The following SYK variants were observed in gnomAD, a reference collection of about 807,000 sequenced individuals.
SYK encodes the protein tyrosine-protein kinase SYK.
SYK carries 16 observed loss-of-function variants against 77.8 expected under a neutral mutation model. That is an observed-to-expected ratio of 0.21 (90% CI 0.14 to 0.31). SYK has a LOEUF of 0.31. Ranked by LOEUF, SYK falls within the 10% of genes least tolerant of loss-of-function variation. The probability of loss-of-function intolerance (pLI) is 1.00; values close to 1 mark genes in which losing one functional copy is unlikely to be tolerated. For missense variants in SYK, 529 were observed against 814.4 expected (o/e 0.65, Z 4.26); for synonymous variants, 312 against 308.7 (o/e 1.01, Z -0.11).
At chr9:90,818,360 C>T (rs1825374197) in intron 1 of SYK, among the ~76,000 whole-genome samples, 2 of 152,138 alleles carry the variant, frequency 1.3e-5, no homozygotes, top group South Asian at 4.1e-4. Flanking sequence ...CAAAAAAGTT[C>T]CTGGGGCACT....
intron 7 of SYK, among the ~76,000 whole-genome samples, chr9:90,868,357 G>A (rs542694034): frequency 2.6e-5 from 4 of 152,238 alleles, no homozygotes; most frequent in African/African-American, 7.2e-5. Flanking sequence ...TCAGAAAAAA[G>A]TTGAAGAAAA....
intron 7 of SYK, among the ~76,000 whole-genome samples, chr9:90,871,308 G>C (rs1325966037): frequency 6.6e-6 from 1 of 152,226 alleles, no homozygotes; most frequent in Admixed American, 6.5e-5. Context: ...TTTACACCTT[G>C]TTGCTCACTG....
intron 7 of SYK, among the ~76,000 whole-genome samples, chr9:90,872,789 T>C (rs1365718658): frequency 6.6e-6 from 1 of 152,280 alleles, no homozygotes; most frequent in Non-Finnish European, 1.5e-5. Context: ...TTCATGTGTT[T>C]GTTCAACACA....
In SYK at chr9:90,885,630, A is replaced by G. The variant is rs60516153; in HGVS notation, c.1582-2119A>G. On this transcript the variant is annotated intron_variant, in intron 11 of 13. Coordinates refer to ENST00000375754, the MANE Select transcript of SYK (RefSeq NM_003177.7). ...ATCCTATTTAATGAAATATTAGATC[A>G]AAACTTCCCAAATATAACAACAAAC... Among the ~76,000 whole-genome samples, 3,059 of 152,336 alleles carry G rather than the reference A, an allele frequency of 0.02. 179 individuals are homozygous for G. In the East Asian group the frequency reaches 0.22, roughly 11 times the overall value.
intron 1 of SYK, among the ~76,000 whole-genome samples, chr9:90,817,859 G>A (rs1825345625): frequency 1.1e-5 from 1 of 87,054 alleles, no homozygotes; most frequent in Non-Finnish European, 2.4e-5. Context: ...GTGTGTGTGT[G>A]TGTGTGTGTG....
chr9:90,893,517 A>G (rs1468082858), intron 13 of SYK, among the ~76,000 whole-genome samples: 1 of 152,030 alleles, frequency 6.6e-6, no homozygotes, highest in African/African-American at 2.4e-5. Context: ...GGAGGGAGGG[A>G]GAGAAATAGT....
At chr9:90,884,218 CAT>C (rs1231960037) in intron 11 of SYK, among the ~76,000 whole-genome samples, 1 of 42,104 alleles carries the variant, frequency 2.4e-5, no homozygotes, top group African/African-American at 1.4e-4. Flanking sequence ...TATATACACG[CAT>C]ATACACATAC....
Position 90,878,927 on chromosome 9 carries a change from C to T in SYK, c.1555C>T (p.Leu519=), listed in dbSNP as rs1163116100. 1 of 1,612,666 alleles carries T rather than the reference C, an allele frequency of 6.2e-7. No individual in the cohort carries two copies. The change falls in exon 11 of 14, where the codon CTG becomes TTG. Residue 519 remains leucine, a synonymous_variant. Coordinates refer to ENST00000375754, the MANE Select transcript of SYK (RefSeq NM_003177.7). ...KISDFGLSKA[L]RADENYYKAQ... ...CAGTGATTTCGGACTTTCCAAAGCA[C>T]TGCGTGCTGATGAAAACTACTACAA...
chr9:90,885,224 G>T (rs1485896959), intron 11 of SYK, among the ~76,000 whole-genome samples: 1 of 151,794 alleles, frequency 6.6e-6, no homozygotes, highest in Non-Finnish European at 1.5e-5. Flanking sequence ...TCAAAATATT[G>T]ATTTTAAAGA....
At chr9:90,847,261 A>T (rs1826634499) in intron 3 of SYK, among the ~76,000 whole-genome samples, 1 of 152,154 alleles carries the variant, frequency 6.6e-6, no homozygotes, top group African/African-American at 2.4e-5. Context: ...CTTATGGTTT[A>T]TGCAAGAGAG....
At chr9:90,867,364 C>T (rs1269849765) in intron 7 of SYK, among the ~76,000 whole-genome samples, 165 bp downstream of exon 7, 4 of 152,186 alleles carry the variant, frequency 2.6e-5, no homozygotes, top group South Asian at 2.1e-4. Context: ...TGGGCAGCCG[C>T]GCCCCAGGTA....
chr9:90,866,532 C>T (rs144513978), intron 6 of SYK, among the ~76,000 whole-genome samples: 14 of 152,248 alleles, frequency 9.2e-5, no homozygotes, highest in Non-Finnish European at 1.5e-4. Flanking sequence ...ATTATAGGCT[C>T]GGTGAGACAG....
intron 1 of SYK, among the ~76,000 whole-genome samples, chr9:90,825,931 A>T (rs186187685): frequency 3.8e-4 from 58 of 152,338 alleles, no homozygotes; most frequent in Non-Finnish European, 7.1e-4. Flanking sequence ...AGGTTCTCAA[A>T]CTTGAGCCTT....
chr9:90,827,739 G>A (rs1243307772), intron 1 of SYK, among the ~76,000 whole-genome samples: 1 of 152,204 alleles, frequency 6.6e-6, no homozygotes, highest in African/African-American at 2.4e-5. Flanking sequence ...TGTCCATCTT[G>A]AGCTGGAAGG....
intron 3 of SYK, among the ~76,000 whole-genome samples, chr9:90,854,791 G>A (rs1022009234): frequency 6.6e-6 from 1 of 151,938 alleles, no homozygotes; most frequent in Non-Finnish European, 1.5e-5. Flanking sequence ...AAATTCAGGT[G>A]CCCTCCTGAC....
At chr9:90,822,839 T>C (rs1010013239) in intron 1 of SYK, among the ~76,000 whole-genome samples, 1 of 152,210 alleles carries the variant, frequency 6.6e-6, no homozygotes, top group African/African-American at 2.4e-5. Context: ...CTGGAGCTAA[T>C]CATCTCTTTG....
chr9:90,840,554 T>TG (rs1826262653), intron 1 of SYK, among the ~76,000 whole-genome samples: 1 of 107,024 alleles, frequency 9.3e-6, no homozygotes, highest in Non-Finnish European at 1.9e-5. Context: ...CCGTCTCTTC[T>TG]AAAAAAAAAA....
intron 11 of SYK, among the ~76,000 whole-genome samples, chr9:90,887,028 C>G (rs1828603605): frequency 6.6e-6 from 1 of 151,966 alleles, no homozygotes; most frequent in Admixed American, 6.6e-5. Flanking sequence ...TGGTGTACAC[C>G]CTATGTAAAT....
chr9:90,864,765 A>G, intron 5 of SYK, 98 bp downstream of exon 5: 1 of 1,020,402 alleles, frequency 9.8e-7, no homozygotes, highest in East Asian at 2.4e-5. Flanking sequence ...TTGGATGAGG[A>G]CTTCTTTTTA....
Sources: gnomAD v4.1 joint callset for allele counts (sites outside exome capture counted in the v4.1 genomes callset) on GRCh38, gnomAD v4.1.1 for gene constraint, MANE v1.5 for transcripts, NCBI Gene and HGNC (gene_info 2026-07-23, HGNC 2026-07-21) for gene names.